Variants in CNGB1 observed in about 807,000 individuals in gnomAD.
CNGB1 encodes the protein cyclic nucleotide gated channel subunit beta 1.
CNGB1 carries 126 observed loss-of-function variants against 151.7 expected under a neutral mutation model. The observed-to-expected ratio is 0.83, with a 90% CI of 0.72 to 0.96. CNGB1 has a LOEUF of 0.96. Ranked by LOEUF, CNGB1 falls within the 40% of genes least tolerant of loss-of-function variation. The pLI, the probability that CNGB1 is intolerant of heterozygous loss-of-function variation, is 0.00. For synonymous variants in CNGB1, 623 were observed against 635.1 expected (o/e 0.98, Z 0.29); for missense variants, 1,698 against 1,627.0 (o/e 1.04, Z -0.75).
At chr16:57,941,333 C>A (rs1422671249) in intron 14 of CNGB1, among the ~76,000 whole-genome samples, 1 of 152,160 alleles carries the variant, frequency 6.6e-6, no homozygotes, top group Non-Finnish European at 1.5e-5. Flanking sequence ...GTGTCTGCCA[C>A]CCAGGAAACT....
intron 25 of CNGB1, among the ~76,000 whole-genome samples, chr16:57,908,542 G>A (rs1232804133): frequency 1.3e-5 from 2 of 152,272 alleles, no homozygotes; most frequent in African/African-American, 4.8e-5. Flanking sequence ...AGGCACTGAG[G>A]CAGGGGCTCA....
At position 57,904,649 on chromosome 16, in the gene CNGB1, G is replaced by A. The variant is rs556844885; in HGVS notation, c.2634+85C>T. 2.4e-3 allele frequency: 3,778 copies of A among 1,585,832 alleles called. 7 individuals carry two copies. The highest frequency in any genetic ancestry group is 3.0e-3 in the Non-Finnish European group (3,493 of 1,156,844). ...TTCCCAGGCTTAATCCAAAAGCAAC[G>A]GGCACAGAGGGTGACATTTCTGGCA... On this transcript the variant is annotated intron_variant, in intron 26 of 32. Transcript: ENST00000251102.
At chr16:57,939,313 TGG>T in intron 16 of CNGB1, 115 bp downstream of exon 16, 1 of 1,446,912 alleles carries the variant, frequency 6.9e-7, no homozygotes, top group Non-Finnish European at 9.6e-7. Context: ...GAGGGGGCAA[TGG>T]GGGGAAGGAG....
intron 13 of CNGB1, among the ~76,000 whole-genome samples, chr16:57,950,145 T>C (rs1961911763): frequency 6.6e-6 from 1 of 150,970 alleles, no homozygotes; most frequent in Non-Finnish European, 1.5e-5. Flanking sequence ...TGCCATCTTC[T>C]GTACAAAAAG....
chr16:57,948,913 A>T (rs1296587205), intron 14 of CNGB1, among the ~76,000 whole-genome samples: 1 of 152,198 alleles, frequency 6.6e-6, no homozygotes, highest in Non-Finnish European at 1.5e-5. Flanking sequence ...CAGCCCTAGA[A>T]GGCATCAAAG....
intron 26 of CNGB1, among the ~76,000 whole-genome samples, chr16:57,904,242 G>A (rs1449392488): frequency 6.6e-6 from 1 of 152,156 alleles, no homozygotes; most frequent in African/African-American, 2.4e-5. Context: ...ACCACACCAT[G>A]GGGGAAAGCT....
At chr16:57,949,143 T>A (rs1961882893) in intron 14 of CNGB1, among the ~76,000 whole-genome samples, 1 of 150,872 alleles carries the variant, frequency 6.6e-6, no homozygotes, top group African/African-American at 2.4e-5. Context: ...TGGGGGGGGA[T>A]GTGGAGTGGT....
rs1961921816 is a variant in CNGB1, at chr16:57,950,514, C to A, written c.901G>T (p.Glu301Ter). The change falls in exon 13 of 33, where the codon GAG (glutamate) becomes TAG (stop). Residue 301 changes from glutamate to a stop codon, truncating the protein, a stop_gained. Transcript: ENST00000251102. LOFTEE classifies it high-confidence loss of function. Reference sequence around the variant, plus strand: ...ACCTCCTCTAGGACAAGGTCAGGCTCCACTTGTCCTCCAGGAAGGATGCTG... The same window carrying A: ...ACCTCCTCTAGGACAAGGTCAGGCTACACTTGTCCTCCAGGAAGGATGCTG... ...TISILPGGQV[E>*]PDLVLEEVEP... 1 of 1,614,086 alleles carries A rather than the reference C, an allele frequency of 6.2e-7. No homozygotes were observed. Among genetic ancestry groups the A allele is most frequent in the Admixed American group, 1.7e-5 (1 of 60,004 alleles).
intron 31 of CNGB1, among the ~76,000 whole-genome samples, chr16:57,889,745 C>T (rs1203038747): frequency 6.6e-6 from 1 of 152,146 alleles, no homozygotes; most frequent in African/African-American, 2.4e-5. Context: ...GTAACTTTCC[C>T]AAGGCCACAC....
chr16:57,916,627 G>A (rs1315102191), intron 21 of CNGB1, among the ~76,000 whole-genome samples: 1 of 152,168 alleles, frequency 6.6e-6, no homozygotes, highest in Non-Finnish European at 1.5e-5. Context: ...AGGCACTGCC[G>A]GGGTGGAATT....
intron 31 of CNGB1, among the ~76,000 whole-genome samples, chr16:57,894,273 A>G (rs1410754817): frequency 6.6e-6 from 1 of 152,222 alleles, no homozygotes; most frequent in Non-Finnish European, 1.5e-5. Flanking sequence ...AATCTACAGC[A>G]TGCCATATTT....
rs1960399183 is a variant in CNGB1, at chr16:57,901,741, G to A, written c.2795-116C>T. ...GGGCACACCATTGCCCTGCCGCATGGAACCACTCTGGATTTGTAGTGCACC... is the reference window on the plus strand; with the variant it reads ...GGGCACACCATTGCCCTGCCGCATGAAACCACTCTGGATTTGTAGTGCACC... On this transcript the variant is annotated intron_variant, in intron 27 of 32. Coordinates refer to ENST00000251102, the MANE Select transcript of CNGB1 (RefSeq NM_001297.5). 6.3e-6 allele frequency: 5 copies of A among 798,380 alleles called. No individual in the cohort carries two copies. The East Asian group carries it at 1.3e-4, about 21-fold the overall frequency. The allele number at this position is 798,380 out of a possible 1,614,324, so 49.5% of individuals were successfully genotyped here. A position where few individuals can be genotyped will look rare whatever the true frequency, so the allele number is the denominator to read the frequency against.
intron 25 of CNGB1, among the ~76,000 whole-genome samples, chr16:57,907,017 G>C (rs1960569232): frequency 6.6e-6 from 1 of 152,208 alleles, no homozygotes; most frequent in African/African-American, 2.4e-5. Context: ...TATTCTTCAT[G>C]CTATTGGAAT....
intron 18 of CNGB1, among the ~76,000 whole-genome samples, chr16:57,921,060 A>G (rs1961018308): frequency 6.6e-6 from 1 of 151,978 alleles, no homozygotes; most frequent in South Asian, 2.1e-4. Flanking sequence ...GAGAGAGAGA[A>G]ACTGCTTTCT....
At chr16:57,911,904 A>G (rs1960726666) in intron 24 of CNGB1, 29 bp from the exon 25 acceptor site, 1 of 1,611,418 alleles carries the variant, frequency 6.2e-7, no homozygotes, top group Non-Finnish European at 8.5e-7. Context: ...GCATGAACAC[A>G]GCGGCGGAAG....
intron 32 of CNGB1, 152 bp from the exon 33 acceptor site, chr16:57,884,609 A>C: frequency 1.3e-6 from 1 of 780,616 alleles, no homozygotes; most frequent in South Asian, 1.5e-5. Flanking sequence ...GTGGAGCCGC[A>C]TCGGGGTTAT....
intron 29 of CNGB1, among the ~76,000 whole-genome samples, chr16:57,899,332 A>T (rs1241043161): frequency 1.4e-5 from 2 of 144,816 alleles, no homozygotes; most frequent in Non-Finnish European, 2.9e-5. Flanking sequence ...GAAAAAAAAA[A>T]TAATAATAAT....
chr16:57,915,482 C>T, intron 22 of CNGB1, 147 bp from the exon 23 acceptor site: 1 of 701,028 alleles, frequency 1.4e-6, no homozygotes, highest in South Asian at 1.7e-5. Context: ...CAGAAGGTGT[C>T]CCACCGACAA....
At chr16:57,911,937 T>C (rs1279306547) in intron 24 of CNGB1, 62 bp from the exon 25 acceptor site, 1 of 1,603,084 alleles carries the variant, frequency 6.2e-7, no homozygotes, top group African/African-American at 1.3e-5. Context: ...TATAGACACC[T>C]GGACAGTGAG....
Sources: allele counts gnomAD v4.1 joint callset (sites outside exome capture counted in the v4.1 genomes callset), GRCh38; gene constraint gnomAD v4.1.1; transcripts MANE v1.5; gene names NCBI Gene and HGNC (gene_info 2026-07-23, HGNC 2026-07-21).